Variants in CSMD2 observed in about 807,000 individuals in gnomAD.
The protein encoded by CSMD2 is CUB and Sushi multiple domains 2.
A neutral mutation model predicts 398.5 loss-of-function variants in CSMD2; 130 were observed. That is an observed-to-expected ratio of 0.33 (90% CI 0.28 to 0.38). The LOEUF is 0.38. Ranked by LOEUF, CSMD2 falls within the 10% of genes least tolerant of loss-of-function variation. The pLI, the probability that CSMD2 is intolerant of heterozygous loss-of-function variation, is 1.00. For synonymous variants in CSMD2, 1,828 were observed against 1,908.5 expected (o/e 0.96, Z 1.10); for missense variants, 3,829 against 4,764.9 (o/e 0.80, Z 5.78).
rs112789441 is a variant in CSMD2, at chr1:33,672,471, G to A, written c.4053-9379C>T. On this transcript the variant is annotated intron_variant, in intron 25 of 70. Coordinates refer to ENST00000373381, the MANE Select transcript of CSMD2 (RefSeq NM_001281956.2). Reference sequence around the variant, plus strand: ...GGTAAACAAAGCAGCTGGGAAGCTCGAACTGGATGGAGCCCACCACAGCTC... The same window carrying A: ...GGTAAACAAAGCAGCTGGGAAGCTCAAACTGGATGGAGCCCACCACAGCTC... Among the ~76,000 whole-genome samples the A allele has an allele frequency of 3.2e-3, 482 of 152,322 alleles. 4 individuals are homozygous for A. The highest frequency in any genetic ancestry group is 0.011 in the African/African-American group (464 of 41,574).
intron 3 of CSMD2, among the ~76,000 whole-genome samples, chr1:33,997,446 C>T (rs570010165): frequency 2.0e-5 from 3 of 152,298 alleles, no homozygotes; most frequent in African/African-American, 7.2e-5. Flanking sequence ...TGAGAAGCTG[C>T]TCTGATCCAT....
At chr1:33,856,105 AAGTCTGTGCCTGGCATAC>A (rs1215910557) in intron 5 of CSMD2, among the ~76,000 whole-genome samples, 11 of 152,306 alleles carry the variant, frequency 7.2e-5, no homozygotes, top group Non-Finnish European at 1.5e-4. Flanking sequence ...TAATGTGTCC[AAGTCTGTGCCTGGCATAC>A]AGTAGGTGCC....
intron 44 of CSMD2, among the ~76,000 whole-genome samples, chr1:33,594,220 C>T (rs574059002): frequency 1.1e-4 from 16 of 152,240 alleles, no homozygotes; most frequent in African/African-American, 2.6e-4. Context: ...GGAGTTCATC[C>T]GGAGTTACAG....
At chr1:34,022,576 G>A (rs115345080) in intron 3 of CSMD2, among the ~76,000 whole-genome samples, 1,885 of 152,334 alleles carry the variant, frequency 0.012, 37 homozygotes, top group African/African-American at 0.043. Context: ...GAATAGGGCT[G>A]TTGTACACAG....
chr1:34,024,661 G>A (rs1316824284), intron 3 of CSMD2, among the ~76,000 whole-genome samples: 3 of 152,186 alleles, frequency 2.0e-5, no homozygotes, highest in East Asian at 1.9e-4. Flanking sequence ...GTTCACTCAG[G>A]AAGCACACAC....
At position 33,716,482 on chromosome 1, in the gene CSMD2, G is replaced by A; in HGVS notation, c.3021C>T (p.His1007=). 1 of 1,613,332 alleles carries A rather than the reference G, an allele frequency of 6.2e-7. No homozygotes were observed. The highest frequency in any genetic ancestry group is 1.1e-5 in the South Asian group (1 of 90,868). Residue 1007 remains histidine, a synonymous_variant, in exon 20 of 71, where the codon CAC becomes CAT. Coordinates refer to ENST00000373381, the MANE Select transcript of CSMD2 (RefSeq NM_001281956.2). ...SHGKGVFFTF[H]TFHLESGHDY... Reference sequence around the variant, plus strand: ...CATGGCCACTTTCCAGGTGGAAGGTGTGGAAAGTGAAGAACACACCTGCCA... The same window carrying A: ...CATGGCCACTTTCCAGGTGGAAGGTATGGAAAGTGAAGAACACACCTGCCA...
chr1:33,772,996 C>A (rs775335679), intron 12 of CSMD2, among the ~76,000 whole-genome samples: 1 of 152,216 alleles, frequency 6.6e-6, no homozygotes, highest in Non-Finnish European at 1.5e-5. Context: ...TCTGTGTCCA[C>A]ATAAAGTGTT....
At chr1:34,066,784 T>C (rs1232642934) in intron 2 of CSMD2, among the ~76,000 whole-genome samples, 1 of 152,156 alleles carries the variant, frequency 6.6e-6, no homozygotes, top group Non-Finnish European at 1.5e-5. Context: ...CTCAGTCCTG[T>C]GCCGCTCTCT....
chr1:33,545,920 G>A, intron 57 of CSMD2, 117 bp downstream of exon 57: 1 of 931,910 alleles, frequency 1.1e-6, no homozygotes, highest in Non-Finnish European at 1.6e-6. Context: ...CAGGCTGAGG[G>A]TTCAAATGGG....
chr1:34,145,119 G>C (rs1271605364), intron 1 of CSMD2, among the ~76,000 whole-genome samples: 1 of 152,186 alleles, frequency 6.6e-6, no homozygotes, highest in Non-Finnish European at 1.5e-5. Context: ...TTTGAAAGAG[G>C]AAAGTGAAAT....
intron 41 of CSMD2, among the ~76,000 whole-genome samples, chr1:33,608,628 G>A (rs1640788897): frequency 6.6e-6 from 1 of 152,184 alleles, no homozygotes; most frequent in Non-Finnish European, 1.5e-5. Flanking sequence ...TTTATAGAAG[G>A]TGGGAATTTG....
Position 33,550,332 on chromosome 1 carries a change from G to A in CSMD2, c.8762C>T (p.Pro2921Leu), listed in dbSNP as rs1392620008. The A allele has an allele frequency of 6.2e-7, 1 of 1,614,012 alleles. No individual in the cohort carries two copies. Among genetic ancestry groups the A allele is most frequent in the Non-Finnish European group, 8.5e-7 (1 of 1,179,890 alleles). Residue 2921 changes from proline to leucine, a missense_variant, in exon 56 of 71, where the codon CCG becomes CTG. By Grantham distance (98) the Pro-to-Leu change is moderately conservative (BLOSUM62 -3). This residue lies in a region of CSMD2 where 917 missense variants were observed against 1,199.5 expected (regional missense o/e 0.76). Coordinates refer to ENST00000373381, the MANE Select transcript of CSMD2 (RefSeq NM_001281956.2). The stretch of plus-strand genomic sequence containing the variant: ...CATCTGGGAGTGAGGCGGGGAGCCC[G>A]GATGGCCACAGGACACCACTGTGGG... ...PQCLLVSCGH[P>L]GSPPHSQMSG...
chr1:34,137,463 T>C (rs961012206), intron 1 of CSMD2, among the ~76,000 whole-genome samples: 3 of 152,216 alleles, frequency 2.0e-5, no homozygotes, highest in Non-Finnish European at 2.9e-5. Context: ...CTGGGACTTC[T>C]AGCTACCAGT....
chr1:33,756,558 G>T (rs922568627), intron 13 of CSMD2, among the ~76,000 whole-genome samples: 4 of 152,204 alleles, frequency 2.6e-5, no homozygotes, highest in Admixed American at 2.6e-4. Context: ...TTCACTGCAG[G>T]GGGAAAGAAT....
chr1:33,830,168 G>C (rs1224419228), intron 6 of CSMD2, among the ~76,000 whole-genome samples: 1 of 152,224 alleles, frequency 6.6e-6, no homozygotes, highest in African/African-American at 2.4e-5. Flanking sequence ...GGTTCTCCCA[G>C]CATGCAGCTG....
chr1:34,106,806 C>T (rs968661369), intron 1 of CSMD2, among the ~76,000 whole-genome samples: 4 of 152,186 alleles, frequency 2.6e-5, no homozygotes, highest in African/African-American at 7.2e-5. Context: ...TATTCAATTG[C>T]TTCGTGGGAA....
intron 12 of CSMD2, among the ~76,000 whole-genome samples, chr1:33,786,161 C>T (rs1374307367): frequency 6.6e-6 from 1 of 152,176 alleles, no homozygotes; most frequent in Non-Finnish European, 1.5e-5. Flanking sequence ...AATGGCTCTA[C>T]CCCACCCAGA....
At chr1:33,772,433 G>T in intron 13 of CSMD2, 136 bp downstream of exon 13, 1 of 711,772 alleles carries the variant, frequency 1.4e-6, no homozygotes, top group Non-Finnish European at 2.4e-6. Context: ...GTTCCGAGGA[G>T]TAGAATAAAC....
chr1:33,867,203 G>A (rs987206730), intron 5 of CSMD2, among the ~76,000 whole-genome samples: 1 of 152,364 alleles, frequency 6.6e-6, no homozygotes, highest in Non-Finnish European at 1.5e-5. Flanking sequence ...AAGTGGTCAA[G>A]TTTGAGAAGC....
Sources: allele counts gnomAD v4.1 joint callset (sites outside exome capture counted in the v4.1 genomes callset), GRCh38; gene constraint gnomAD v4.1.1; regional missense constraint gnomAD v4.1.1; transcripts MANE v1.5; gene names NCBI Gene and HGNC (gene_info 2026-07-23, HGNC 2026-07-21).